Variants in CDK13 observed in about 807,000 individuals in gnomAD.
CDK13 encodes the protein cyclin-dependent kinase 13.
CDK13 carries 40 observed loss-of-function variants against 137.6 expected under a neutral mutation model. The ratio of observed to expected loss-of-function variants is 0.29; its 90% confidence interval spans 0.23 to 0.38. CDK13 has a LOEUF of 0.38. Among genes scored for constraint, CDK13 ranks in the 10% least tolerant of loss-of-function variants. The pLI is 1.00. For missense variants in CDK13, 1,704 were observed against 1,951.8 expected, an observed-to-expected ratio of 0.87 and a Z score of 2.39; for synonymous variants, 869 against 760.1, an observed-to-expected ratio of 1.14 and a Z score of -2.36.
intron 9 of CDK13, among the ~76,000 whole-genome samples, chr7:40,076,262 T>G (rs558289288): frequency 1.1e-3 from 169 of 152,272 alleles, no homozygotes; most frequent in African/African-American, 3.9e-3. Context: ...TGTAAACAAC[T>G]AAAATACAGA....
At chr7:40,064,308 G>A (rs1786226751) in intron 9 of CDK13, among the ~76,000 whole-genome samples, 1 of 149,100 alleles carries the variant, frequency 6.7e-6, no homozygotes, top group Non-Finnish European at 1.5e-5. Flanking sequence ...AAAAAAGGTG[G>A]GGGGGCTTCA....
intron 5 of CDK13, among the ~76,000 whole-genome samples, chr7:40,044,410 C>G (rs1785686969): frequency 6.6e-6 from 1 of 151,904 alleles, no homozygotes; most frequent in South Asian, 2.1e-4. Flanking sequence ...CCTCTGCCTC[C>G]TGGGCTCAAG....
intron 2 of CDK13, 142 bp from the exon 3 acceptor site, chr7:39,997,351 TG>T (rs1221608393): frequency 1.4e-6 from 1 of 690,556 alleles, no homozygotes; most frequent in Admixed American, 3.1e-5. Context: ...TTACTTTAGC[TG>T]GAAAGAAACT....
intron 7 of CDK13, among the ~76,000 whole-genome samples, chr7:40,050,821 CTGT>C (rs1295719059): frequency 6.6e-6 from 1 of 152,164 alleles, no homozygotes; most frequent in African/African-American, 2.4e-5. Context: ...AAGTTTGTGT[CTGT>C]TGTTAATTAT....
intron 5 of CDK13, among the ~76,000 whole-genome samples, chr7:40,023,414 T>C (rs1287132700): frequency 6.6e-6 from 1 of 152,114 alleles, no homozygotes; most frequent in Non-Finnish European, 1.5e-5. Context: ...AAATAGGTGA[T>C]TTTCTGAGAC....
intron 1 of CDK13, among the ~76,000 whole-genome samples, chr7:39,972,325 T>A (rs1784017378): frequency 6.6e-6 from 1 of 152,280 alleles, no homozygotes; most frequent in South Asian, 2.1e-4. Flanking sequence ...ACATGTTTAT[T>A]GAAATGTATT....
At chr7:39,994,220 C>T (rs1417130957) in intron 2 of CDK13, among the ~76,000 whole-genome samples, 3 of 151,964 alleles carry the variant, frequency 2.0e-5, no homozygotes, top group African/African-American at 7.3e-5. Flanking sequence ...ATCTATTATT[C>T]TCTTTCCTTT....
intron 7 of CDK13, among the ~76,000 whole-genome samples, chr7:40,059,877 CT>C (rs530675428): frequency 6.6e-6 from 1 of 152,042 alleles, no homozygotes; most frequent in Non-Finnish European, 1.5e-5. Context: ...ATTCAACTTC[CT>C]AGATTAAATT....
chr7:39,960,048 A>G (rs1787558527), intron 1 of CDK13, among the ~76,000 whole-genome samples: 1 of 149,338 alleles, frequency 6.7e-6, no homozygotes, highest in Admixed American at 6.6e-5. Flanking sequence ...CATAGTTGTA[A>G]TGAACTTCTT....
chr7:40,021,515 C>G (rs912884297), intron 5 of CDK13, among the ~76,000 whole-genome samples: 1 of 151,910 alleles, frequency 6.6e-6, no homozygotes, highest in Non-Finnish European at 1.5e-5. Flanking sequence ...AATAATTTGT[C>G]TGTTTTAACT....
intron 7 of CDK13, among the ~76,000 whole-genome samples, chr7:40,053,140 C>T (rs2150521103): frequency 6.6e-6 from 1 of 152,202 alleles, no homozygotes. Flanking sequence ...AGAATTCCCC[C>T]CTCCTTCTGT....
intron 7 of CDK13, chr7:40,061,850 A>T (rs1190309583): frequency 6.6e-6 from 1 of 152,228 alleles, no homozygotes; most frequent in African/African-American, 2.4e-5. Context: ...ACCTGACCCT[A>T]ATATAACTTG....
chr7:39,994,908 T>TC (rs1554326114), intron 2 of CDK13, among the ~76,000 whole-genome samples: 3 of 144,860 alleles, frequency 2.1e-5, no homozygotes, highest in Non-Finnish European at 4.6e-5. Context: ...AAGTTGTATT[T>TC]AAAAAAAAAA....
At chr7:40,025,212 T>G (rs573836291) in intron 5 of CDK13, among the ~76,000 whole-genome samples, 1 of 152,320 alleles carries the variant, frequency 6.6e-6, no homozygotes, top group South Asian at 2.1e-4. Context: ...CACTGCATTT[T>G]TAAGCCTATC....
chr7:39,974,011 G>T (rs1784054135), intron 1 of CDK13, among the ~76,000 whole-genome samples: 1 of 152,152 alleles, frequency 6.6e-6, no homozygotes, highest in Admixed American at 6.5e-5. Flanking sequence ...TTGAAATCAG[G>T]AAGTGTGAAT....
At chr7:39,992,196 G>A (rs1487074462) in intron 2 of CDK13, among the ~76,000 whole-genome samples, 1 of 134,642 alleles carries the variant, frequency 7.4e-6, no homozygotes, top group Non-Finnish European at 1.7e-5. Flanking sequence ...GTGTGTGTGT[G>A]TGTGTATACA....
intron 1 of CDK13, among the ~76,000 whole-genome samples, chr7:39,966,828 AC>A (rs1721796034): frequency 6.6e-6 from 1 of 151,944 alleles, no homozygotes; most frequent in Admixed American, 6.6e-5. Flanking sequence ...TTTCCTTCTA[AC>A]AGTCAGGACC....
intron 11 of CDK13, among the ~76,000 whole-genome samples, chr7:40,087,451 C>T (rs555822203): frequency 6.6e-6 from 1 of 151,966 alleles, no homozygotes; most frequent in East Asian, 1.9e-4. Flanking sequence ...CTGGAAATGG[C>T]ATATTTTTCT....
At position 40,045,849 on chromosome 7, in the gene CDK13, G is replaced by C; in HGVS notation, c.2367G>C (p.Leu789=). ...DFKKDKGAFY[L]VFEYMDHDLM... is the part of the protein sequence containing the mutation. ...TCTCATTCTTAGGTGCATTTTATCT[G>C]GTGTTTGAATATATGGACCATGATC... The change falls in exon 6 of 14, where the codon CTG becomes CTC. Residue 789 remains leucine (L), a synonymous_variant. Coordinates refer to ENST00000181839, the MANE Select transcript of CDK13 (RefSeq NM_003718.5). The C allele has an allele frequency of 6.2e-7, 1 of 1,605,108 alleles. No individual in the cohort carries two copies. Among genetic ancestry groups the C allele is most frequent in the Non-Finnish European group, 8.5e-7 (1 of 1,174,814 alleles).
Sources: gnomAD v4.1 joint callset for allele counts (sites outside exome capture counted in the v4.1 genomes callset) on GRCh38, gnomAD v4.1.1 for gene constraint, MANE v1.5 for transcripts, NCBI Gene and HGNC (gene_info 2026-07-23, HGNC 2026-07-21) for gene names.